The following CYB5R3 variants were observed in gnomAD, a reference collection of about 807,000 sequenced individuals.
CYB5R3 encodes cytochrome b5 reductase 3.
Under a neutral mutation model 36.5 loss-of-function variants are expected in CYB5R3, and 28 were observed. That is an observed-to-expected ratio of 0.77 (90% confidence interval 0.57 to 1.05). The LOEUF is 1.05. Ranked by LOEUF, CYB5R3 falls within the 50% of genes least tolerant of loss-of-function variation. The probability of loss-of-function intolerance (pLI) is 0.00; values close to 1 mark genes in which losing one functional copy is unlikely to be tolerated. For missense variants in CYB5R3, 474 were observed against 408.9 expected (o/e 1.16, Z -1.37); for synonymous variants, 181 against 159.8 (o/e 1.13, Z -1.00).
intron 1 of CYB5R3, among the ~76,000 whole-genome samples, chr22:42,639,615 C>G (rs546504598): frequency 7.1e-6 from 1 of 141,296 alleles, no homozygotes; most frequent in South Asian, 2.5e-4. Context: ...GTGACAAGAG[C>G]CAAGACTCCA....
chr22:42,619,952 G>A lies in CYB5R3; in HGVS notation c.734-7C>T, dbSNP rs1408735124. The A allele has an allele frequency of 1.3e-6, 2 of 1,592,014 alleles. No individual in the cohort carries two copies. The highest frequency in any genetic ancestry group is 3.5e-5 in the Admixed American group (2 of 57,336). On this transcript the variant is annotated splice_region_variant and splice_polypyrimidine_tract_variant and intron_variant, in intron 8 of 8. Transcript: ENST00000352397. ...CCCTGGCCGTAGTCCCAGGCTGTGG[G>A]GTGAGAGACCAGGTAAGCTGACGTG...
At chr22:42,638,784 G>A (rs541838955) in intron 1 of CYB5R3, among the ~76,000 whole-genome samples, 1 of 146,264 alleles carries the variant, frequency 6.8e-6, no homozygotes, top group Admixed American at 6.9e-5. Flanking sequence ...TGTAATCCCA[G>A]CACTTTGGGA....
At chr22:42,626,129 T>C (rs1046603247) in intron 7 of CYB5R3, among the ~76,000 whole-genome samples, 45 of 152,152 alleles carry the variant, frequency 3.0e-4, no homozygotes, top group African/African-American at 1.0e-3. Flanking sequence ...GCCAACATGG[T>C]AAAACCCCAT....
At chr22:42,634,665 G>A in intron 2 of CYB5R3, among the ~76,000 whole-genome samples, 1 of 143,232 alleles carries the variant, frequency 7.0e-6, no homozygotes, top group Non-Finnish European at 1.5e-5. Context: ...TTGCTCTGTA[G>A]CCCAGGCTGG....
In CYB5R3 at chr22:42,636,839, T is replaced by C; in HGVS notation, c.29A>G (p.His10Arg). The change falls in exon 2 of 9, where the codon CAT (histidine) becomes CGT (arginine). Residue 10 changes from histidine to arginine, a missense_variant. Coordinates refer to ENST00000352397, the MANE Select transcript of CYB5R3 (RefSeq NM_000398.7). MGAQLSTLG[H>R]MVLFPVWFLY... ...GAACCAGACTGGGAAGAGCACCATA[T>C]GGCCCAACTGAAACGACAGGACCCG... 6.2e-7 allele frequency: 1 copy of C among 1,613,532 alleles called. No homozygotes were observed. Among genetic ancestry groups the C allele is most frequent in the South Asian group, 1.1e-5 (1 of 91,072 alleles).
In CYB5R3 at chr22:42,623,865, T is replaced by G; in HGVS notation, c.657A>C (p.Arg219=). Residue 219 remains arginine, a synonymous_variant, in exon 8 of 9, where the codon CGA becomes CGC. Transcript: ENST00000352397. ...TGTTCCTGAGTTCCTCCAGCTCAGG[T>G]CGCAGCAGGATGTCCTTCTCGGTCT... is the stretch of plus-strand genomic sequence containing the variant. ...ANQTEKDILL[R]PELEELRNKH... 1 of 1,614,064 alleles carries G rather than the reference T, an allele frequency of 6.2e-7. No individual in the cohort carries two copies. Among genetic ancestry groups the G allele is most frequent in the Non-Finnish European group, 8.5e-7 (1 of 1,179,978 alleles).
intron 6 of CYB5R3, 98 bp downstream of exon 6, chr22:42,627,507 C>T: frequency 1.4e-6 from 2 of 1,470,244 alleles, no homozygotes; most frequent in Middle Eastern, 1.8e-4. Flanking sequence ...CCCCTGACCT[C>T]TGGTAGCTCC....
chr22:42,628,803 G>C (rs946750117), intron 4 of CYB5R3, among the ~76,000 whole-genome samples: 6 of 152,190 alleles, frequency 3.9e-5, no homozygotes, highest in African/African-American at 1.4e-4. Flanking sequence ...GAAATGGGGA[G>C]ACAGAGGAGG....
At chr22:42,627,138 G>A (rs1439867433) in intron 7 of CYB5R3, among the ~76,000 whole-genome samples, 166 bp downstream of exon 7, 2 of 152,146 alleles carry the variant, frequency 1.3e-5, no homozygotes, top group Non-Finnish European at 2.9e-5. Flanking sequence ...CCTGCCCGCC[G>A]TGCTGCTGCC....
rs376333813 is a variant in CYB5R3, at chr22:42,636,853, C to G, written c.22-7G>C. ...AGAGCACCATATGGCCCAACTGAAA[C>G]GACAGGACCCGCGGGGTCAGTGCAG... On this transcript the variant is annotated splice_region_variant and splice_polypyrimidine_tract_variant and intron_variant, in intron 1 of 8. Coordinates refer to ENST00000352397, the MANE Select transcript of CYB5R3 (RefSeq NM_000398.7). 1 of 1,612,932 alleles carries G rather than the reference C, an allele frequency of 6.2e-7. No individual in the cohort carries two copies. Among genetic ancestry groups the G allele is most frequent in the African/African-American group, 1.3e-5 (1 of 74,930 alleles).
intron 8 of CYB5R3, among the ~76,000 whole-genome samples, chr22:42,620,738 GA>G (rs769038811): frequency 3.3e-5 from 5 of 152,260 alleles, no homozygotes; most frequent in Non-Finnish European, 7.4e-5. Context: ...GCTTGCCCTG[GA>G]ACCAGGAAGA....
intron 1 of CYB5R3, among the ~76,000 whole-genome samples, chr22:42,638,609 C>T (rs909430209): frequency 6.8e-6 from 1 of 147,918 alleles, no homozygotes; most frequent in Non-Finnish European, 1.5e-5. Context: ...GGCACAGTGG[C>T]GCATGCCTGT....
At chr22:42,642,587 C>T (rs532293102) in intron 1 of CYB5R3, among the ~76,000 whole-genome samples, 5 of 152,186 alleles carry the variant, frequency 3.3e-5, no homozygotes, top group African/African-American at 7.2e-5. Flanking sequence ...TACAGGCGTT[C>T]GCCACCAAGC....
Position 42,628,231 on chromosome 22 carries a change from A to G in CYB5R3, c.384T>C (p.Ser128=). The change falls in exon 5 of 9, where the codon TCT becomes TCC. Residue 128 remains serine (S), a synonymous_variant. Coordinates refer to ENST00000352397, the MANE Select transcript of CYB5R3 (RefSeq NM_000398.7). ...CAATCTGCATGCTCTCCAGGTACTG[A>G]GACATCTTCCCTCCAGCGGGAAACT... The part of the protein sequence containing the change: ...HPKFPAGGKM[S]QYLESMQIGD... 6.2e-7 allele frequency: 1 copy of G among 1,614,096 alleles called. No individual in the cohort carries two copies. Among genetic ancestry groups the G allele is most frequent in the Non-Finnish European group, 8.5e-7 (1 of 1,179,990 alleles).
At chr22:42,639,931 A>T (rs766921788) in intron 1 of CYB5R3, 1 of 1,575,492 alleles carries the variant, frequency 6.3e-7, no homozygotes, top group Non-Finnish European at 8.6e-7. Context: ...TCAAATAATA[A>T]ATCAAATATA....
intron 1 of CYB5R3, among the ~76,000 whole-genome samples, chr22:42,637,397 T>C (rs1041509791): frequency 6.6e-6 from 1 of 152,184 alleles, no homozygotes; most frequent in Admixed American, 6.6e-5. Context: ...CTGGGATTGA[T>C]GCTCTCCTCT....
chr22:42,621,182 TA>T (rs1168952996), intron 8 of CYB5R3, among the ~76,000 whole-genome samples: 8 of 104,972 alleles, frequency 7.6e-5, no homozygotes, highest in African/African-American at 2.7e-4. Flanking sequence ...GATTTCTTTT[TA>T]GTGTGTGTGT....
chr22:42,628,557 A>G (rs1049868733), intron 4 of CYB5R3, among the ~76,000 whole-genome samples: 7 of 151,996 alleles, frequency 4.6e-5, no homozygotes, highest in African/African-American at 1.7e-4. Context: ...GGCTGGATGC[A>G]CTCACATTTC....
intron 2 of CYB5R3, chr22:42,631,768 T>C: frequency 2.3e-6 from 1 of 440,714 alleles, no homozygotes; most frequent in Non-Finnish European, 4.2e-6. Flanking sequence ...GAGGGAGGAA[T>C]CCATCTCTGC....
Sources: allele counts gnomAD v4.1 joint callset (sites outside exome capture counted in the v4.1 genomes callset), GRCh38; gene constraint gnomAD v4.1.1; transcripts MANE v1.5; gene names NCBI Gene and HGNC (gene_info 2026-07-23, HGNC 2026-07-21).